The following ECM2 variants were observed in gnomAD, a reference collection of about 807,000 sequenced individuals.
The protein encoded by ECM2 is extracellular matrix protein 2, also known as extracellular matrix protein 2, female organ and adipocyte specific.
A neutral mutation model predicts 67.5 loss-of-function variants in ECM2; 57 were observed. The ratio of observed to expected loss-of-function variants is 0.84; its 90% CI spans 0.68 to 1.05. The LOEUF (loss-of-function observed/expected upper bound fraction) is 1.05, where lower values mean the gene tolerates loss of function less well. ECM2 is among the 50% of genes least tolerant of loss of function. ECM2 has a pLI of 0.00. For missense variants in ECM2, 741 were observed against 822.8 expected (o/e 0.90, Z 1.22); for synonymous variants, 258 against 294.5 (o/e 0.88, Z 1.27).
upstream of ECM2, among the ~76,000 whole-genome samples, chr9:92,540,371 A>C (rs1849288233): frequency 6.8e-6 from 1 of 146,084 alleles, no homozygotes; most frequent in African/African-American, 2.5e-5. Context: ...CCAGGCGGCA[A>C]AGGTCGCAGT....
At position 92,512,005 on chromosome 9, in the gene ECM2, A is replaced by G; in HGVS notation, c.1170+6T>C. ...TCCAAATAGACAAATCAGAGCATGT[A>G]TTTACCTTGAATGCTTTTGGACCTA... On this transcript the variant is annotated splice_donor_region_variant and intron_variant, in intron 5 of 9. Transcript: ENST00000344604. The G allele has an allele frequency of 6.3e-7, 1 of 1,598,190 alleles. No homozygotes were observed. Among genetic ancestry groups the G allele is most frequent in the Non-Finnish European group, 8.6e-7 (1 of 1,168,792 alleles).
intron 1 of ECM2, among the ~76,000 whole-genome samples, chr9:92,535,443 T>C (rs528289398): frequency 6.6e-6 from 1 of 152,304 alleles, no homozygotes; most frequent in East Asian, 1.9e-4. Context: ...TTACTGTGTT[T>C]ATCCCAACAT....
chr9:92,505,753 C>G (rs1846966152), intron 6 of ECM2, 63 bp from the exon 7 acceptor site: 6 of 1,365,150 alleles, frequency 4.4e-6, no homozygotes, highest in Non-Finnish European at 5.0e-6. Flanking sequence ...TTTTTGTAGC[C>G]TTTTGAAATG....
At chr9:92,511,552 T>C (rs962742330) in intron 5 of ECM2, among the ~76,000 whole-genome samples, 1 of 152,114 alleles carries the variant, frequency 6.6e-6, no homozygotes, top group African/African-American at 2.4e-5. Flanking sequence ...TATATGAGCC[T>C]ATTTGTTTTT....
At chr9:92,539,812 GATAT>G (rs763729324), upstream of ECM2, among the ~76,000 whole-genome samples, 1 of 152,148 alleles carries the variant, frequency 6.6e-6, no homozygotes, top group Non-Finnish European at 1.5e-5. Context: ...GTGGAGTAAT[GATAT>G]ATAAGTATCC....
At chr9:92,540,912 C>A (rs939732410), upstream of ECM2, among the ~76,000 whole-genome samples, 6 of 151,926 alleles carry the variant, frequency 3.9e-5, no homozygotes, top group African/African-American at 1.5e-4. Flanking sequence ...AAGTAAAAAA[C>A]AAATATGAAG....
the ECM2 span, among the ~76,000 whole-genome samples, chr9:92,545,862 C>T: frequency 8.5e-5 from 13 of 152,268 alleles, no homozygotes; most frequent in East Asian, 1.5e-3. Flanking sequence ...GGTAAATGCA[C>T]CAATCAGTGT....
rs761870991 is a variant in ECM2, at chr9:92,514,973, G to A, written c.712C>T (p.Gln238Ter). ...RETPESRNQG[Q>*]LYSEGDSRGG... ...CTGCTGTCCCCCTCACTGTAAAGTTGCCCCTGATTTCTAGATTCAGGGGTC... is the reference window on the plus strand; with the variant it reads ...CTGCTGTCCCCCTCACTGTAAAGTTACCCCTGATTTCTAGATTCAGGGGTC... Residue 238 changes from glutamine to a stop codon, truncating the protein, a stop_gained, in exon 4 of 10, where the codon CAA becomes TAA. Coordinates refer to ENST00000344604, the MANE Select transcript of ECM2 (RefSeq NM_001393.4). LOFTEE classifies it high-confidence loss of function. 3 of 1,613,976 alleles carry A rather than the reference G, an allele frequency of 1.9e-6. No individual in the cohort carries two copies. Among genetic ancestry groups the A allele is most frequent in the South Asian group, 2.2e-5 (2 of 91,068 alleles).
the ECM2 span, among the ~76,000 whole-genome samples, chr9:92,558,594 A>G: frequency 2.0e-5 from 3 of 152,030 alleles, no homozygotes; most frequent in Non-Finnish European, 4.4e-5. Context: ...TGATTTAATT[A>G]TCTATTTTTG....
downstream of ECM2, among the ~76,000 whole-genome samples, chr9:92,494,651 A>G (rs1846267581): frequency 6.6e-6 from 1 of 152,128 alleles, no homozygotes; most frequent in Non-Finnish European, 1.5e-5. Flanking sequence ...ATTCATGTCT[A>G]TAATCCCAGC....
At chr9:92,522,539 C>G in intron 2 of ECM2, 36 bp downstream of exon 2, 2 of 1,531,426 alleles carry the variant, frequency 1.3e-6, no homozygotes, top group Non-Finnish European at 8.8e-7. Context: ...TCACCCTCCT[C>G]CCTCTTTCTG....
At chr9:92,517,350 A>G (rs1022762705) in intron 3 of ECM2, 2 of 461,724 alleles carry the variant, frequency 4.3e-6, no homozygotes, top group Non-Finnish European at 7.8e-6. Flanking sequence ...TAATGCACAT[A>G]TAGACCAAAG....
intron 2 of ECM2, among the ~76,000 whole-genome samples, chr9:92,522,150 G>T (rs753006772): frequency 5.9e-5 from 9 of 152,078 alleles, no homozygotes; most frequent in Non-Finnish European, 1.2e-4. Flanking sequence ...GCAGTGGTGT[G>T]ATCTCTGCTC....
intron 1 of ECM2, among the ~76,000 whole-genome samples, chr9:92,524,008 C>G (rs1469600304): frequency 6.6e-6 from 1 of 152,164 alleles, no homozygotes; most frequent in African/African-American, 2.4e-5. Context: ...AACTCATTAC[C>G]AGTAAAGGTG....
At chr9:92,501,679 A>G (rs978867806) in intron 8 of ECM2, among the ~76,000 whole-genome samples, 21 of 152,136 alleles carry the variant, frequency 1.4e-4, no homozygotes, top group African/African-American at 4.8e-4. Context: ...TTTTCACCTG[A>G]TGAAGACTTC....
At chr9:92,537,655 A>G (rs1032362413), upstream of ECM2, among the ~76,000 whole-genome samples, 4 of 151,992 alleles carry the variant, frequency 2.6e-5, no homozygotes, top group South Asian at 2.1e-4. Context: ...GCGAGACTAC[A>G]TCTCAAAAAA....
At chr9:92,532,041 T>TTTTTTTTTTTTTTTTG (rs1433523712) in intron 1 of ECM2, among the ~76,000 whole-genome samples, 1 of 143,416 alleles carries the variant, frequency 7.0e-6, no homozygotes, top group Non-Finnish European at 1.5e-5. Flanking sequence ...TTTATTTTTT[T>TTTTTTTTTTTTTTTTG]TTTGAGATGA....
In ECM2 at chr9:92,495,988, C is replaced by T; in HGVS notation, c.*327G>A. 1 of 994,272 alleles carries T rather than the reference C, an allele frequency of 1.0e-6. No homozygotes were observed. Among genetic ancestry groups the T allele is most frequent in the South Asian group, 4.7e-5 (1 of 21,384 alleles). The allele number at this position is 994,272 out of a possible 1,614,324, so 61.6% of individuals were successfully genotyped here. On this transcript the variant is annotated 3_prime_UTR_variant, in exon 10 of 10. Transcript: ENST00000344604. The stretch of plus-strand genomic sequence containing the variant: ...GACTTACAGAGTTCTCAGCTAACAC[C>T]AGTATTCAAGTTGATTATAAAGGCT...
At chr9:92,546,781 C>T in the ECM2 span, among the ~76,000 whole-genome samples, 1 of 152,120 alleles carries the variant, frequency 6.6e-6, no homozygotes, top group East Asian at 1.9e-4. Flanking sequence ...ATTTAGATTA[C>T]ATGAATAATT....
Sources: allele counts gnomAD v4.1 joint callset (sites outside exome capture counted in the v4.1 genomes callset), GRCh38; gene constraint gnomAD v4.1.1; transcripts MANE v1.5; gene names NCBI Gene and HGNC (gene_info 2026-07-23, HGNC 2026-07-21).